Variants in MCC observed in about 807,000 individuals in gnomAD.
MCC encodes MCC regulator of Wnt signaling pathway, also known as colorectal mutant cancer protein.
Under a neutral mutation model 116.2 loss-of-function variants are expected in MCC, and 90 were observed. The ratio of observed to expected loss-of-function variants is 0.77; its 90% confidence interval spans 0.65 to 0.92. MCC has a LOEUF of 0.92. MCC is among the 40% of genes least tolerant of loss of function. The pLI, the probability that MCC is intolerant of heterozygous loss-of-function variation, is 0.00. For synonymous variants in MCC, 578 were observed against 510.5 expected (o/e 1.13, Z -1.78); for missense variants, 1,516 against 1,312.2 (o/e 1.16, Z -2.40).
At chr5:113,370,183 C>G (rs78656948) in intron 2 of MCC, among the ~76,000 whole-genome samples, 1 of 152,132 alleles carries the variant, frequency 6.6e-6, no homozygotes, top group African/African-American at 2.4e-5. Context: ...CAATGGATGA[C>G]GTAGCAGAAC....
chr5:113,332,859 C>T (rs570485181), intron 3 of MCC, among the ~76,000 whole-genome samples: 20 of 151,762 alleles, frequency 1.3e-4, no homozygotes, highest in Admixed American at 5.9e-4. Context: ...CCTGAAATAT[C>T]AGCTGATTCT....
In MCC at chr5:113,488,192, G is replaced by A; in HGVS notation, c.170+53C>T. On this transcript the variant is annotated intron_variant, in intron 1 of 18. Transcript: ENST00000408903. ...AGGGGGCAGAGCAGGGGTCAAGGGC[G>A]CGCGGAGGGACTGATCTCGCTCCTG... 5 of 1,553,496 alleles carry A rather than the reference G, an allele frequency of 3.2e-6. No individual in the cohort carries two copies. In the South Asian group the frequency reaches 4.7e-5, roughly 15 times the overall value.
intron 3 of MCC, among the ~76,000 whole-genome samples, chr5:113,248,711 C>T (rs1764665633): frequency 6.6e-6 from 1 of 152,166 alleles, no homozygotes; most frequent in Non-Finnish European, 1.5e-5. Flanking sequence ...CTATTTCCAC[C>T]TTCCTATCCC....
chr5:113,274,068 T>G (rs1315368298), intron 3 of MCC, among the ~76,000 whole-genome samples: 1 of 152,158 alleles, frequency 6.6e-6, no homozygotes, highest in Non-Finnish European at 1.5e-5. Context: ...ATACCCAACA[T>G]GTGTATGAAG....
rs1167817034 is a variant in MCC, at chr5:113,434,404, T to C, written c.171-49192A>G. The C allele has an allele frequency of 6.2e-7, 1 of 1,613,748 alleles. No homozygotes were observed. The highest frequency in any genetic ancestry group is 1.1e-5 in the South Asian group (1 of 91,052). ...TCGGACAGCTTGATGTTGAAGTCCT[T>C]GTCAAGGAGAAGGTTGTCACACTTG... On this transcript the variant is annotated intron_variant, in intron 1 of 18. Coordinates refer to ENST00000408903, the MANE Select transcript of MCC (RefSeq NM_001085377.2). This position sits in a 1 kb window ranked among gnomAD's most constrained non-coding sequence, Gnocchi z 4.2.
At chr5:113,086,205 C>T (rs1440289275) in intron 8 of MCC, among the ~76,000 whole-genome samples, 2 of 152,164 alleles carry the variant, frequency 1.3e-5, no homozygotes, top group Non-Finnish European at 2.9e-5. Context: ...AAGAATATAA[C>T]TCCAGCTGAA....
At chr5:113,193,588 G>C (rs1327534418) in intron 3 of MCC, among the ~76,000 whole-genome samples, 8 of 152,178 alleles carry the variant, frequency 5.3e-5, no homozygotes, top group Non-Finnish European at 1.2e-4. Context: ...TTGTGTATGC[G>C]TGGGTGTGGG....
At chr5:113,410,342 T>G (rs1249133413) in intron 1 of MCC, among the ~76,000 whole-genome samples, 1 of 152,234 alleles carries the variant, frequency 6.6e-6, no homozygotes, top group African/African-American at 2.4e-5. Context: ...TATATAGATA[T>G]AACATAATAT....
chr5:113,037,241 C>T (rs1416504741), intron 17 of MCC, among the ~76,000 whole-genome samples: 3 of 152,158 alleles, frequency 2.0e-5, no homozygotes, highest in Non-Finnish European at 4.4e-5. Context: ...ATCCTTTTTC[C>T]ATTCAGGGAC....
intron 6 of MCC, among the ~76,000 whole-genome samples, chr5:113,114,652 C>G (rs1757292032): frequency 6.6e-6 from 1 of 152,156 alleles, no homozygotes; most frequent in Non-Finnish European, 1.5e-5. Flanking sequence ...AGAGGAGAAG[C>G]AGCTGGATGT....
chr5:113,054,968 G>A (rs946276816), intron 14 of MCC, among the ~76,000 whole-genome samples: 4 of 152,218 alleles, frequency 2.6e-5, no homozygotes, highest in African/African-American at 4.8e-5. Context: ...TCTGAGGCCA[G>A]TGTGCACCGA....
At chr5:113,453,512 C>T (rs1288073242) in intron 1 of MCC, among the ~76,000 whole-genome samples, 4 of 152,212 alleles carry the variant, frequency 2.6e-5, no homozygotes, top group African/African-American at 9.7e-5. Context: ...AACTCCTCCT[C>T]CACCTCCCTC....
At chr5:113,383,823 G>A (rs1210415547) in intron 2 of MCC, among the ~76,000 whole-genome samples, 1 of 151,968 alleles carries the variant, frequency 6.6e-6, no homozygotes, top group African/African-American at 2.4e-5. Flanking sequence ...CATTTTTATT[G>A]TTTCCATTAC....
intron 2 of MCC, among the ~76,000 whole-genome samples, chr5:113,354,178 CAGAG>C (rs932479327): frequency 4.6e-5 from 7 of 152,078 alleles, no homozygotes; most frequent in African/African-American, 7.2e-5. Context: ...GTCTAGCAGA[CAGAG>C]AGTATTCTAG....
At chr5:113,049,015 A>G (rs1232675835) in intron 16 of MCC, 78 bp downstream of exon 16, 1 of 1,348,042 alleles carries the variant, frequency 7.4e-7, no homozygotes, top group East Asian at 2.4e-5. Flanking sequence ...CAGGGCGGTG[A>G]GGTGTGGCCA....
chr5:113,433,975 C>T (rs199827802), intron 1 of MCC: 4 of 1,614,008 alleles, frequency 2.5e-6, no homozygotes, highest in African/African-American at 2.7e-5. Flanking sequence ...CGGGAACTCT[C>T]CCCCTCCTTG....
chr5:113,330,611 T>C (rs1448465622), intron 3 of MCC, among the ~76,000 whole-genome samples: 2 of 152,198 alleles, frequency 1.3e-5, no homozygotes, highest in Non-Finnish European at 2.9e-5. Context: ...TCTGTTTTTA[T>C]AAAATACTTC....
intron 3 of MCC, among the ~76,000 whole-genome samples, chr5:113,222,897 T>C (rs1581272223): frequency 6.6e-6 from 1 of 152,086 alleles, no homozygotes; most frequent in East Asian, 1.9e-4. Flanking sequence ...CAAGGAAGGC[T>C]CTCCTGTGGG....
chr5:113,309,845 T>A (rs552481291), intron 3 of MCC, among the ~76,000 whole-genome samples: 1 of 152,150 alleles, frequency 6.6e-6, no homozygotes, highest in African/African-American at 2.4e-5. Flanking sequence ...TTTCTTTCAT[T>A]CCTTCTTCCT....
Sources: gnomAD v4.1 joint callset for allele counts (sites outside exome capture counted in the v4.1 genomes callset) on GRCh38, gnomAD v4.1.1 for gene constraint, Gnocchi (gnomAD v3.1) non-coding constraint, MANE v1.5 for transcripts, NCBI Gene and HGNC (gene_info 2026-07-23, HGNC 2026-07-21) for gene names.